The following GALNT16 variants were observed in gnomAD, a reference collection of about 807,000 sequenced individuals.
GALNT16 encodes the protein polypeptide N-acetylgalactosaminyltransferase 16, also known as UDP-GalNAc:polypeptide N-acetylgalactosaminyltransferase-like protein 1.
A neutral mutation model predicts 76.1 loss-of-function variants in GALNT16; 40 were observed. That is an observed-to-expected ratio of 0.53 (90% confidence interval 0.41 to 0.68). The LOEUF (loss-of-function observed/expected upper bound fraction) is 0.68, where lower values mean the gene tolerates loss of function less well. Ranked by LOEUF, GALNT16 falls within the 30% of genes least tolerant of loss-of-function variation. The pLI is 0.00. For synonymous variants in GALNT16, 276 were observed against 285.2 expected, an observed-to-expected ratio of 0.97 and a Z score of 0.32; for missense variants, 621 against 731.9, an observed-to-expected ratio of 0.85 and a Z score of 1.75.
rs2044970539 is a variant in GALNT16, at chr14:69,308,443, T to C, written c.178-12268T>C. ...CCTATGCATTTACACATGCATATGT[T>C]TATAAACTATTTATATAAAATGAAT... is the stretch of plus-strand genomic sequence containing the variant. On this transcript the variant is annotated intron_variant, in intron 1 of 14. Transcript: ENST00000448469. 2.0e-5 allele frequency among the ~76,000 whole-genome samples: 3 copies of C among 152,322 alleles called. No individual in the cohort carries two copies. The South Asian group carries it at 6.2e-4, about 32-fold the overall frequency.
At chr14:69,372,476 G>A in the GALNT16 span, among the ~76,000 whole-genome samples, 1 of 145,154 alleles carries the variant, frequency 6.9e-6, no homozygotes, top group Middle Eastern at 3.5e-3. Context: ...AATTGTCTTA[G>A]TAGTGATCAT....
chr14:69,298,861 G>A (rs2044806553), intron 1 of GALNT16, among the ~76,000 whole-genome samples: 1 of 152,220 alleles, frequency 6.6e-6, no homozygotes, highest in African/African-American at 2.4e-5. Context: ...GGAGGCTTTT[G>A]TCCTGCAGAG....
rs2045661678 is a variant in GALNT16, at chr14:69,353,293, T to C, written c.*1125T>C. ...CCCGCTACAGGAGCCCCTAAGTCAT[T>C]AGGGCTCAACCTCACCCTTATTCCC... On this transcript the variant is annotated 3_prime_UTR_variant, in exon 15 of 15. Coordinates refer to ENST00000448469, the MANE Select transcript of GALNT16 (RefSeq NM_001168368.2). 6.6e-6 allele frequency: 1 copy of C among 151,742 alleles called. No homozygotes were observed. The highest frequency in any genetic ancestry group is 1.5e-5 in the Non-Finnish European group (1 of 67,970). The allele number at this position is 151,742 out of a possible 1,614,324, so 9.4% of individuals were successfully genotyped here.
chr14:69,260,136 A>AAACCCCC, upstream of GALNT16: 4 of 113,992 alleles, frequency 3.5e-5, 1 homozygote, highest in South Asian at 6.5e-4. Flanking sequence ...TCTCCCTATC[A>AAACCCCC]CCCCCCCGCC....
rs544900192 is a variant in GALNT16 at position 69,314,043 on chromosome 14, T to C, written c.178-6668T>C. Among the ~76,000 whole-genome samples the C allele has an allele frequency of 3.3e-5, 5 of 152,300 alleles. No individual in the cohort carries two copies. The South Asian group carries it at 1.0e-3, about 32-fold the overall frequency. ...GGAGAGCTTTAAAAACATCTGATGC[T>C]TTTGTCCCACCTCCAGAGATTCTGG... is the stretch of plus-strand genomic sequence containing the variant. On this transcript the variant is annotated intron_variant, in intron 1 of 14. Coordinates refer to ENST00000448469, the MANE Select transcript of GALNT16 (RefSeq NM_001168368.2).
At chr14:69,330,610 C>T (rs1176194836) in intron 6 of GALNT16, among the ~76,000 whole-genome samples, 2 of 152,220 alleles carry the variant, frequency 1.3e-5, no homozygotes, top group African/African-American at 4.8e-5. Flanking sequence ...CCATCCCGGG[C>T]TTCCGTTATC....
At chr14:69,316,207 G>A (rs1332760843) in intron 1 of GALNT16, among the ~76,000 whole-genome samples, 13 of 152,160 alleles carry the variant, frequency 8.5e-5, no homozygotes, top group Admixed American at 5.2e-4. Context: ...ACCATACGCC[G>A]GCTTGGTCCA....
chr14:69,343,346 G>A (rs2045519818), intron 12 of GALNT16, among the ~76,000 whole-genome samples: 1 of 152,218 alleles, frequency 6.6e-6, no homozygotes, highest in East Asian at 1.9e-4. Flanking sequence ...CAATGAATAA[G>A]CTAGAGATGA....
At chr14:69,341,819 C>A in intron 12 of GALNT16, 55 bp downstream of exon 12, 2 of 1,231,254 alleles carry the variant, frequency 1.6e-6, no homozygotes, top group African/African-American at 1.5e-5. Flanking sequence ...GTGGTTGGGG[C>A]CAGCGGCTTT....
intron 1 of GALNT16, among the ~76,000 whole-genome samples, chr14:69,284,530 A>T (rs2044584257): frequency 6.6e-6 from 1 of 152,196 alleles, no homozygotes; most frequent in Non-Finnish European, 1.5e-5. Context: ...CCCACCCTGG[A>T]CAGGACTCTG....
At chr14:69,355,831 CT>C (rs891330009), downstream of GALNT16, 11 of 152,278 alleles carry the variant, frequency 7.2e-5, no homozygotes, top group African/African-American at 2.7e-4. Context: ...GCTGTTCCCC[CT>C]GGCCCCTCAG....
chr14:69,376,744 T>G, the GALNT16 span, among the ~76,000 whole-genome samples: 1 of 152,108 alleles, frequency 6.6e-6, no homozygotes, highest in Non-Finnish European at 1.5e-5. Flanking sequence ...ACAAGACTGC[T>G]TATGAGAAAC....
At chr14:69,338,294 C>A (rs140383462) in intron 9 of GALNT16, among the ~76,000 whole-genome samples, 2 of 152,326 alleles carry the variant, frequency 1.3e-5, no homozygotes, top group East Asian at 1.9e-4. Flanking sequence ...ATGTGTTTTT[C>A]CTTAGCTCAT....
intron 1 of GALNT16, among the ~76,000 whole-genome samples, chr14:69,274,849 A>T (rs1333725407): frequency 1.3e-5 from 2 of 152,092 alleles, no homozygotes; most frequent in Non-Finnish European, 2.9e-5. Flanking sequence ...CCTGAGCTGA[A>T]TGTTACTGTC....
chr14:69,307,916 C>CTGT (rs1438052703), intron 1 of GALNT16, among the ~76,000 whole-genome samples: 1 of 150,906 alleles, frequency 6.6e-6, no homozygotes, highest in Non-Finnish European at 1.5e-5. Context: ...CTGTTTTCAA[C>CTGT]TGTTAGGCTT....
intron 1 of GALNT16, among the ~76,000 whole-genome samples, chr14:69,280,187 C>T (rs576124430): frequency 2.0e-5 from 3 of 152,284 alleles, no homozygotes; most frequent in Non-Finnish European, 2.9e-5. Context: ...CCATTAAACA[C>T]TAACTCCCCA....
chr14:69,375,147 C>G, the GALNT16 span, among the ~76,000 whole-genome samples: 1 of 152,088 alleles, frequency 6.6e-6, no homozygotes, highest in African/African-American at 2.4e-5. Context: ...ACAAAGCATC[C>G]CCCTTCATCC....
At chr14:69,309,148 C>T (rs1429972625) in intron 1 of GALNT16, among the ~76,000 whole-genome samples, 2 of 151,728 alleles carry the variant, frequency 1.3e-5, no homozygotes, top group Non-Finnish European at 2.9e-5. Flanking sequence ...TTAACATGTA[C>T]TTATATTTAT....
intron 1 of GALNT16, among the ~76,000 whole-genome samples, chr14:69,319,673 ACT>A (rs1184061098): frequency 6.6e-6 from 1 of 151,922 alleles, no homozygotes; most frequent in Admixed American, 6.6e-5. Flanking sequence ...GTTGCTGGAG[ACT>A]CTGGGAGCAC....
Sources: allele counts gnomAD v4.1 joint callset (sites outside exome capture counted in the v4.1 genomes callset), GRCh38; gene constraint gnomAD v4.1.1; transcripts MANE v1.5; gene names NCBI Gene and HGNC (gene_info 2026-07-23, HGNC 2026-07-21).